The following PSMD4 variants were observed in gnomAD, a reference collection of about 807,000 sequenced individuals.
PSMD4 encodes proteasome 26S subunit ubiquitin receptor, non-ATPase 4, also known as 26S proteasome non-ATPase regulatory subunit 4.
PSMD4 carries 5 observed loss-of-function variants against 39.7 expected under a neutral mutation model. The ratio of observed to expected loss-of-function variants is 0.13; its 90% CI spans 0.07 to 0.26. PSMD4 has a LOEUF of 0.26. Among genes scored for constraint, PSMD4 ranks in the 10% least tolerant of loss-of-function variants. The pLI, the probability that PSMD4 is intolerant of heterozygous loss-of-function variation, is 1.00. For missense variants in PSMD4, 272 were observed against 486.1 expected (o/e 0.56, Z 4.14); for synonymous variants, 143 against 174.6 (o/e 0.82, Z 1.43).
rs1693410018 is a variant in PSMD4, at chr1:151,265,463, C to G, written c.508C>G (p.Leu170Val). Residue 170 changes from leucine (L) to valine (V), a missense_variant, in exon 6 of 10, where the codon CTG becomes GTG. This residue lies in a region of PSMD4 where 153 missense variants were observed against 257.6 expected (regional missense o/e 0.59). Coordinates refer to ENST00000368884, the MANE Select transcript of PSMD4 (RefSeq NM_002810.4). ...LNGKDGTGSHLVTVPPGPSLA... is the reference protein window; with the variant it reads ...LNGKDGTGSHVVTVPPGPSLA... ...TGGCAAAGATGGAACCGGTTCTCAT[C>G]TGGTGACAGTGCCTCCTGGGCCCAG... 6.2e-7 allele frequency: 1 copy of G among 1,614,206 alleles called. No homozygotes were observed. The highest frequency in any genetic ancestry group is 8.5e-7 in the Non-Finnish European group (1 of 1,180,044).
intron 7 of PSMD4, 38 bp downstream of exon 7, chr1:151,266,150 A>C (rs771388786): frequency 1.3e-6 from 2 of 1,591,392 alleles, no homozygotes; most frequent in Non-Finnish European, 8.6e-7. Context: ...GGACTGCGGG[A>C]TGCTAAACAT....
rs764195603 is a variant in PSMD4, at chr1:151,267,339, A to T, written c.1130A>T (p.Lys377Met). The change falls in exon 10 of 10, where the codon AAG becomes ATG. Residue 377 changes from lysine (K) to methionine (M), a missense_variant. Lys to Met is a moderately conservative substitution (Grantham distance 95). This residue lies in a region of PSMD4 where 113 missense variants were observed against 184.6 expected (regional missense o/e 0.61). Coordinates refer to ENST00000368884, the MANE Select transcript of PSMD4 (RefSeq NM_002810.4). Reference protein sequence around the residue: ...GKKDKKEEDKK With the variant: ...GKKDKKEEDKM ...AAGGACAAGAAGGAGGAAGACAAGA[A>T]GTGAGACTGGAGGGAAAGGGTAGCT... is the stretch of plus-strand genomic sequence containing the variant. The T allele has an allele frequency of 1.2e-6, 2 of 1,613,862 alleles. No individual in the cohort carries two copies. The highest frequency in any genetic ancestry group is 4.5e-5 in the East Asian group (2 of 44,880).
At chr1:151,262,129 TTC>T (rs770953688) in intron 1 of PSMD4, 30 bp from the exon 2 acceptor site, 1 of 1,612,570 alleles carries the variant, frequency 6.2e-7, no homozygotes, top group South Asian at 1.1e-5. Flanking sequence ...TCTACATTTC[TTC>T]TCTCTTGTCC....
chr1:151,255,317 CTTAAGGTAAA>C (rs899739252), intron 1 of PSMD4, among the ~76,000 whole-genome samples: 11 of 152,244 alleles, frequency 7.2e-5, no homozygotes, highest in Admixed American at 1.3e-4. Context: ...ACAACCACAC[CTTAAGGTAAA>C]TTATCTCTCC....
At chr1:151,261,007 G>A (rs1183309936) in intron 1 of PSMD4, among the ~76,000 whole-genome samples, 2 of 151,348 alleles carry the variant, frequency 1.3e-5, no homozygotes, top group African/African-American at 4.8e-5. Flanking sequence ...CACCATACCT[G>A]GCTAATTATT....
chr1:151,261,508 A>G (rs587745747), intron 1 of PSMD4, among the ~76,000 whole-genome samples: 106 of 152,208 alleles, frequency 7.0e-4, no homozygotes, highest in Non-Finnish European at 1.2e-3. Context: ...TTCATTTCCT[A>G]TATTTGGATT....
chr1:151,258,624 CTATTTTTTG>C (rs1460835832), intron 1 of PSMD4, among the ~76,000 whole-genome samples: 2 of 151,602 alleles, frequency 1.3e-5, no homozygotes, highest in African/African-American at 2.4e-5. Context: ...CCATGCCCAG[CTATTTTTTG>C]TATTTTTTGT....
chr1:151,256,374 AAT>A (rs1693170592), intron 1 of PSMD4, among the ~76,000 whole-genome samples: 2 of 147,174 alleles, frequency 1.4e-5, no homozygotes, highest in Non-Finnish European at 3.0e-5. Flanking sequence ...AAAATAAATA[AAT>A]AAATAAATAA....
intron 1 of PSMD4, 103 bp from the exon 2 acceptor site, chr1:151,262,058 A>G: frequency 1.6e-6 from 2 of 1,249,218 alleles, no homozygotes; most frequent in East Asian, 2.3e-5. Context: ...GCTACAGGTG[A>G]TGCTATGAAG....
chr1:151,258,587 A>G (rs1489337905), intron 1 of PSMD4, among the ~76,000 whole-genome samples: 1 of 150,266 alleles, frequency 6.7e-6, no homozygotes, highest in Non-Finnish European at 1.5e-5. Context: ...CAGCCTCCTG[A>G]ATAGCTGGGA....
chr1:151,260,679 G>A (rs147268181), intron 1 of PSMD4, among the ~76,000 whole-genome samples: 1 of 151,866 alleles, frequency 6.6e-6, no homozygotes, highest in South Asian at 2.1e-4. Context: ...GGGATTACAG[G>A]TGCCTGCCAC....
intron 1 of PSMD4, among the ~76,000 whole-genome samples, chr1:151,256,366 AATAAAT>A (rs1207809991): frequency 3.1e-5 from 4 of 130,696 alleles, no homozygotes; most frequent in East Asian, 4.3e-4. Context: ...ATAATAATAA[AATAAAT>A]AAATAAATAA....
chr1:151,267,020 G>A (rs771974077), intron 9 of PSMD4, 153 bp from the exon 10 acceptor site: 3 of 914,646 alleles, frequency 3.3e-6, no homozygotes, highest in Middle Eastern at 2.1e-4. Context: ...GGATTTTGCT[G>A]ACTTGTCCTT....
rs1693336220 is a variant in PSMD4 at position 151,262,315 on chromosome 1, A to T, written c.167+14A>T. 2 of 1,614,144 alleles carry T rather than the reference A, an allele frequency of 1.2e-6. No homozygotes were observed. The highest frequency in any genetic ancestry group is 2.2e-5 in the South Asian group (2 of 91,088). ...CACACTGGCTAAGTATGGGGGACAG[A>T]GGAGGAGGGGACTCAGTAGGTGGGT... On this transcript the variant is annotated intron_variant, in intron 2 of 9. Transcript: ENST00000368884.
At position 151,264,864 on chromosome 1, in the gene PSMD4, C is replaced by G. The variant is rs753183586; in HGVS notation, c.315C>G (p.His105Gln). Residue 105 changes from histidine to glutamine, a missense_variant, in exon 4 of 10, where the codon CAC becomes CAG. By Grantham distance (24) the His-to-Gln change is conservative. This residue lies in a region of PSMD4 where 153 missense variants were observed against 257.6 expected (regional missense o/e 0.59). Coordinates refer to ENST00000368884, the MANE Select transcript of PSMD4 (RefSeq NM_002810.4). ...TGAAGCACCGACAAGGCAAGAATCA[C>G]AAGATGCGCATCATTGCCTTTGTGG... is the stretch of plus-strand genomic sequence containing the variant. ...LALKHRQGKN[H>Q]KMRIIAFVGS... 6.2e-7 allele frequency: 1 copy of G among 1,613,904 alleles called. No individual in the cohort carries two copies. Among genetic ancestry groups the G allele is most frequent in the South Asian group, 1.1e-5 (1 of 90,994 alleles).
In PSMD4 at chr1:151,265,355, A is replaced by G. The variant is rs1238791409; in HGVS notation, c.439-39A>G. On this transcript the variant is annotated intron_variant, in intron 5 of 9. Coordinates refer to ENST00000368884, the MANE Select transcript of PSMD4 (RefSeq NM_002810.4). ...CAGAAATGGGAAAGAACAGGGAGCA[A>G]GGCCTGAAGAAGGGCATCATGTGTT... 2.5e-6 allele frequency: 4 copies of G among 1,607,106 alleles called. No homozygotes were observed. In the Admixed American group the frequency reaches 6.7e-5, roughly 27 times the overall value.
intron 1 of PSMD4, among the ~76,000 whole-genome samples, chr1:151,257,906 CATGAG>C (rs1325262087): frequency 6.6e-6 from 1 of 151,844 alleles, no homozygotes; most frequent in Admixed American, 6.6e-5. Flanking sequence ...TATTCATGAG[CATGAG>C]ATGTTTTTCC....
chr1:151,261,121 C>T (rs1347316306), intron 1 of PSMD4, among the ~76,000 whole-genome samples: 3 of 150,430 alleles, frequency 2.0e-5, no homozygotes, highest in Non-Finnish European at 4.4e-5. Context: ...TGCTGGGATG[C>T]ACTTGGGAGG....
chr1:151,264,670 G>C (rs867468099), intron 3 of PSMD4, among the ~76,000 whole-genome samples, 162 bp from the exon 4 acceptor site: 2 of 152,082 alleles, frequency 1.3e-5, no homozygotes, highest in Non-Finnish European at 2.9e-5. Context: ...GAGAGTCATA[G>C]CAAAAAGGGA....
Sources: allele counts gnomAD v4.1 joint callset (sites outside exome capture counted in the v4.1 genomes callset), GRCh38; gene constraint gnomAD v4.1.1; regional missense constraint gnomAD v4.1.1; transcripts MANE v1.5; gene names NCBI Gene and HGNC (gene_info 2026-07-23, HGNC 2026-07-21).